Variants in TMEM163 observed in about 807,000 individuals in gnomAD.
The protein encoded by TMEM163 is transmembrane protein 163.
In TMEM163, 17 loss-of-function variants were observed where a neutral mutation model predicts 29.3. The observed-to-expected ratio is 0.58, with a 90% confidence interval of 0.40 to 0.87. The LOEUF (loss-of-function observed/expected upper bound fraction) is 0.87. Among genes scored for constraint, TMEM163 ranks in the 40% least tolerant of loss-of-function variants. The pLI, the probability that TMEM163 is intolerant of heterozygous loss-of-function variation, is 0.00. For missense variants in TMEM163, 303 were observed against 381.5 expected (o/e 0.79, Z 1.71); for synonymous variants, 157 against 160.6 (o/e 0.98, Z 0.17).
intron 4 of TMEM163, among the ~76,000 whole-genome samples, chr2:134,508,691 C>T (rs1474643723): frequency 6.6e-6 from 1 of 152,182 alleles, no homozygotes; most frequent in African/African-American, 2.4e-5. Context: ...TCTCCTCCTT[C>T]TGGAACTCCC....
intron 2 of TMEM163, among the ~76,000 whole-genome samples, chr2:134,580,503 T>C (rs1681667328): frequency 6.6e-6 from 1 of 152,228 alleles, no homozygotes; most frequent in Non-Finnish European, 1.5e-5. Context: ...TACTATATAC[T>C]ATAGTAAGTG....
intron 2 of TMEM163, among the ~76,000 whole-genome samples, chr2:134,666,842 A>G (rs1683882312): frequency 6.6e-6 from 1 of 152,228 alleles, no homozygotes; most frequent in Non-Finnish European, 1.5e-5. Context: ...TGGCCAGCGT[A>G]GAGCAGGCGT....
chr2:134,514,245 T>C (rs1408351209), intron 4 of TMEM163, among the ~76,000 whole-genome samples: 1 of 152,196 alleles, frequency 6.6e-6, no homozygotes, highest in Non-Finnish European at 1.5e-5. Flanking sequence ...GTTGGTCATG[T>C]ACTATGTTAG....
chr2:134,632,804 G>A (rs894947103), intron 2 of TMEM163, among the ~76,000 whole-genome samples: 5 of 151,672 alleles, frequency 3.3e-5, no homozygotes, highest in South Asian at 4.2e-4. Context: ...GGGCAATGGC[G>A]GGATCTCGGC....
intron 2 of TMEM163, among the ~76,000 whole-genome samples, chr2:134,556,786 A>AAT (rs1681058131): frequency 6.6e-6 from 1 of 152,228 alleles, no homozygotes; most frequent in African/African-American, 2.4e-5. Context: ...ACACCACCGT[A>AAT]AGCCAGCCTA....
At chr2:134,495,610 A>C (rs1344480335) in intron 5 of TMEM163, among the ~76,000 whole-genome samples, 1 of 152,228 alleles carries the variant, frequency 6.6e-6, no homozygotes, top group Non-Finnish European at 1.5e-5. Flanking sequence ...GGGGCTTCCA[A>C]ATCGTTACAC....
At chr2:134,529,820 T>C (rs1264168553) in intron 4 of TMEM163, among the ~76,000 whole-genome samples, 1 of 152,086 alleles carries the variant, frequency 6.6e-6, no homozygotes, top group Non-Finnish European at 1.5e-5. Flanking sequence ...TTTAAAATCA[T>C]GAAATGTTAT....
In TMEM163 at chr2:134,700,027, T is replaced by C. The variant is rs376143183; in HGVS notation, c.322+13173A>G. Among the ~76,000 whole-genome samples the C allele has an allele frequency of 1.2e-3, 177 of 152,348 alleles. 5 individuals carry two copies. In the South Asian group the frequency reaches 0.035, roughly 30 times the overall value. On this transcript the variant is annotated intron_variant, in intron 2 of 7. Transcript: ENST00000281924. ...TTAAATTTGTCTCCTATTAACAGCATACAGCTTGATTTTTTTTTAATGCAA... is the reference window on the plus strand; with the variant it reads ...TTAAATTTGTCTCCTATTAACAGCACACAGCTTGATTTTTTTTTAATGCAA...
chr2:134,515,370 C>T (rs889296729), intron 4 of TMEM163, among the ~76,000 whole-genome samples: 1 of 152,218 alleles, frequency 6.6e-6, no homozygotes, highest in Non-Finnish European at 1.5e-5. Context: ...TGAACACAGG[C>T]TTCTCAGCAT....
intron 5 of TMEM163, among the ~76,000 whole-genome samples, chr2:134,485,644 C>T (rs1679291246): frequency 6.6e-6 from 1 of 152,042 alleles, no homozygotes; most frequent in South Asian, 2.1e-4. Context: ...TCAGGCTCAC[C>T]CAGATTATCA....
At position 134,498,692 on chromosome 2, in the gene TMEM163, G is replaced by A. The variant is rs1364375103; in HGVS notation, c.555+4209C>T. 6.6e-5 allele frequency among the ~76,000 whole-genome samples: 10 copies of A among 152,312 alleles called. No individual in the cohort carries two copies. The East Asian group carries it at 1.9e-3, about 29-fold the overall frequency. On this transcript the variant is annotated intron_variant, in intron 5 of 7. Transcript: ENST00000281924. ...CACACCCTGGTCAGCAGCACAGAGT[G>A]AAGGGGCCCATATGGAAAGGGTCAT...
At chr2:134,597,533 T>C (rs1279287073) in intron 2 of TMEM163, among the ~76,000 whole-genome samples, 1 of 152,200 alleles carries the variant, frequency 6.6e-6, no homozygotes, top group Non-Finnish European at 1.5e-5. Flanking sequence ...TTACTGAGGA[T>C]TTTTGCATCG....
At chr2:134,533,360 T>TGTGTGTAC (rs139961822) in intron 4 of TMEM163, among the ~76,000 whole-genome samples, 2 of 152,242 alleles carry the variant, frequency 1.3e-5, no homozygotes, top group African/African-American at 4.8e-5. Context: ...TGTTTGTGTG[T>TGTGTGTAC]GTGCACGTGC....
At chr2:134,504,841 C>T (rs961601396) in intron 4 of TMEM163, among the ~76,000 whole-genome samples, 46 of 152,138 alleles carry the variant, frequency 3.0e-4, no homozygotes, top group African/African-American at 1.1e-3. Context: ...ACAGAGGGGG[C>T]CATGATAGAG....
At chr2:134,480,765 A>G (rs1458832389) in intron 5 of TMEM163, among the ~76,000 whole-genome samples, 2 of 152,230 alleles carry the variant, frequency 1.3e-5, no homozygotes, top group African/African-American at 2.4e-5. Context: ...GGCAAGTCAC[A>G]GGAATAAAAC....
chr2:134,699,526 A>T (rs1265662796), intron 2 of TMEM163, among the ~76,000 whole-genome samples: 1 of 152,104 alleles, frequency 6.6e-6, no homozygotes, highest in Non-Finnish European at 1.5e-5. Context: ...AATGTTGTAG[A>T]TATGATGACA....
chr2:134,589,356 T>C (rs759027602), intron 2 of TMEM163, among the ~76,000 whole-genome samples: 51 of 152,264 alleles, frequency 3.3e-4, no homozygotes, highest in Non-Finnish European at 4.1e-4. Flanking sequence ...CTGGATGAGA[T>C]GGGAGGTTGG....
chr2:134,566,914 G>T (rs1320042542), intron 2 of TMEM163, among the ~76,000 whole-genome samples: 1 of 152,190 alleles, frequency 6.6e-6, no homozygotes, highest in South Asian at 2.1e-4. Context: ...GCTGCAAAAT[G>T]TAGTGACAGA....
chr2:134,461,360 G>A (rs979992027), intron 6 of TMEM163, among the ~76,000 whole-genome samples: 2 of 152,200 alleles, frequency 1.3e-5, no homozygotes, highest in Non-Finnish European at 2.9e-5. Flanking sequence ...GGGTATTTGA[G>A]AACTGGATAT....
Sources: gnomAD v4.1 joint callset for allele counts (sites outside exome capture counted in the v4.1 genomes callset) on GRCh38, gnomAD v4.1.1 for gene constraint, MANE v1.5 for transcripts, NCBI Gene and HGNC (gene_info 2026-07-23, HGNC 2026-07-21) for gene names.